The following CMC2 variants were observed in gnomAD, a reference collection of about 807,000 sequenced individuals.
CMC2 encodes C-X9-C motif containing 2.
Under a neutral mutation model 7.5 loss-of-function variants are expected in CMC2, and 5 were observed. The ratio of observed to expected loss-of-function variants is 0.66; its 90% CI spans 0.35 to 1.40. The LOEUF (loss-of-function observed/expected upper bound fraction) is 1.40, where lower values mean the gene tolerates loss of function less well. Ranked by LOEUF, CMC2 falls within the 40% of genes most tolerant of loss-of-function variation. CMC2 has a pLI of 0.04. For synonymous variants in CMC2, 37 were observed against 31.4 expected, an observed-to-expected ratio of 1.18 and a Z score of -0.60; for missense variants, 115 against 92.3, an observed-to-expected ratio of 1.25 and a Z score of -1.01.
rs1012135161 is a variant in CMC2 at position 80,972,699 on chromosome 16, T to C, written c.*3394A>G. On this transcript the variant is annotated 3_prime_UTR_variant, in exon 4 of 4. Transcript: ENST00000219400. Reference sequence around the variant, plus strand: ...AAGTTCTTCAGCTTCCAAGAGATGGTCTCTTATGACCCAAAAGTTTACTTA... The same window carrying C: ...AAGTTCTTCAGCTTCCAAGAGATGGCCTCTTATGACCCAAAAGTTTACTTA... 1 of 152,182 alleles carries C rather than the reference T, an allele frequency of 6.6e-6. No individual in the cohort carries two copies. Among genetic ancestry groups the C allele is most frequent in the East Asian group, 1.9e-4 (1 of 5,198 alleles). 9.4% of individuals were successfully genotyped at this position (152,182 alleles called of 1,614,324 possible).
Position 80,997,345 on chromosome 16 carries a change from A to G in CMC2, c.50T>C (p.Leu17Ser). 1 of 1,609,150 alleles carries G rather than the reference A, an allele frequency of 6.2e-7. No homozygotes were observed. The highest frequency in any genetic ancestry group is 8.5e-7 in the Non-Finnish European group (1 of 1,175,516). ...GTGACATTCCTTAAGCAAGTTAATC[A>G]AGACGTTGCATTCTTCAGTGTGCAA... Reference protein sequence around the residue: ...PHLHTEECNVLINLLKECHKN... With the variant: ...PHLHTEECNVSINLLKECHKN... Residue 17 changes from leucine (L) to serine (S), a missense_variant, in exon 2 of 4, where the codon TTG (leucine) becomes TCG (serine). Physicochemically the swap from Leu to Ser is moderately radical, Grantham distance 145. Transcript: ENST00000219400.
intron 3 of CMC2, chr16:80,980,774 C>A (rs559554585): frequency 1.4e-6 from 1 of 691,772 alleles, no homozygotes. Context: ...ACGCACCTGT[C>A]GTCCTAGCTA....
chr16:80,993,959 C>T (rs991098073), intron 2 of CMC2, among the ~76,000 whole-genome samples: 1 of 152,098 alleles, frequency 6.6e-6, no homozygotes, highest in African/African-American at 2.4e-5. Context: ...TACAAGGCAA[C>T]AGTAATTAAG....
chr16:80,986,413 C>T (rs890845881), intron 2 of CMC2, among the ~76,000 whole-genome samples: 13 of 151,830 alleles, frequency 8.6e-5, no homozygotes, highest in Admixed American at 6.6e-5. Context: ...TGAGATTGTA[C>T]CACTGCACTC....
chr16:81,003,188 C>T (rs545869562), intron 1 of CMC2, among the ~76,000 whole-genome samples: 92 of 152,282 alleles, frequency 6.0e-4, no homozygotes, highest in African/African-American at 2.0e-3. Flanking sequence ...TCTCTCAGAA[C>T]ACATGTAATT....
intron 1 of CMC2, among the ~76,000 whole-genome samples, chr16:81,006,238 G>GC (rs893896932): frequency 5.0e-4 from 12 of 24,166 alleles, no homozygotes; most frequent in Admixed American, 1.6e-3. Flanking sequence ...TACTGATGGG[G>GC]CTCTTGGTGG....
Position 81,006,744 on chromosome 16 carries a change from G to A in CMC2, c.-46C>T, listed in dbSNP as rs1969395082. 3 of 985,628 alleles carry A rather than the reference G, an allele frequency of 3.0e-6. No homozygotes were observed. The highest frequency in any genetic ancestry group is 9.4e-5 in the South Asian group (2 of 21,286). The allele number at this position is 985,628 out of a possible 1,614,324, so 61.1% of individuals were successfully genotyped here. On this transcript the variant is annotated 5_prime_UTR_variant, in exon 1 of 4. Transcript: ENST00000219400. ...ACTCCCGAGACTCACCCGACTCGTG[G>A]CCACACCGGGAGAACTGAAGCGGCA...
intron 1 of CMC2, among the ~76,000 whole-genome samples, chr16:81,004,219 T>C (rs577853894): frequency 1.1e-5 from 1 of 93,120 alleles, no homozygotes; most frequent in East Asian, 2.8e-4. Flanking sequence ...TGAGACTCCA[T>C]CTCAAAAAAT....
At chr16:80,997,466 C>T (rs1303265430) in intron 1 of CMC2, 37 bp from the exon 2 acceptor site, 1 of 1,047,936 alleles carries the variant, frequency 9.5e-7, no homozygotes, top group Non-Finnish European at 1.5e-6. Context: ...TGCATAAACA[C>T]ATTTGTTACG....
chr16:80,979,318 A>G (rs1295511749), intron 3 of CMC2, among the ~76,000 whole-genome samples: 1 of 152,288 alleles, frequency 6.6e-6, no homozygotes, highest in East Asian at 1.9e-4. Context: ...AAAAGAATTC[A>G]AAGAGAAAAC....
intron 3 of CMC2, among the ~76,000 whole-genome samples, chr16:80,980,037 G>T (rs1967000989): frequency 6.6e-6 from 1 of 152,174 alleles, no homozygotes; most frequent in Non-Finnish European, 1.5e-5. Flanking sequence ...TCCCGCCTCA[G>T]CCTCCCAAGT....
At position 80,974,866 on chromosome 16, in the gene CMC2, T is replaced by C. The variant is rs1457293942; in HGVS notation, c.*1227A>G. Reference sequence around the variant, plus strand: ...TCTTTCCCCATCCTTTCACTGAATGTCTGTTATGCTCTGTAATCGACGTAC... The same window carrying C: ...TCTTTCCCCATCCTTTCACTGAATGCCTGTTATGCTCTGTAATCGACGTAC... On this transcript the variant is annotated 3_prime_UTR_variant, in exon 4 of 4. Transcript: ENST00000219400. The C allele has an allele frequency of 2.0e-5, 3 of 152,262 alleles. No homozygotes were observed. The highest frequency in any genetic ancestry group is 2.9e-5 in the Non-Finnish European group (2 of 68,052). 9.4% of individuals were successfully genotyped at this position (152,262 alleles called of 1,614,324 possible).
At chr16:80,977,000 T>C (rs116918474) in intron 3 of CMC2, among the ~76,000 whole-genome samples, 2 of 151,898 alleles carry the variant, frequency 1.3e-5, no homozygotes, top group East Asian at 1.9e-4. Context: ...CCAGTCACAA[T>C]GACAGACATA....
intron 1 of CMC2, chr16:80,997,673 A>C (rs1968534559): frequency 3.8e-6 from 1 of 263,064 alleles, no homozygotes; most frequent in Non-Finnish European, 7.2e-6. Context: ...GGAAGCCTCA[A>C]GAGACCCAAT....
chr16:80,983,248 A>C (rs1000309821), intron 2 of CMC2: 5 of 152,292 alleles, frequency 3.3e-5, no homozygotes, highest in Admixed American at 2.0e-4. Context: ...GGGGAGTCAA[A>C]AAGTTATATG....
Position 80,970,137 on chromosome 16 carries a change from T to C in CMC2, c.*5956A>G, listed in dbSNP as rs950633874. ...GGGATGAAGAAACTTCAGAGCCACATTGCAATTAAAAAGCTGTCTAGCAAA... is the reference window on the plus strand; with the variant it reads ...GGGATGAAGAAACTTCAGAGCCACACTGCAATTAAAAAGCTGTCTAGCAAA... On this transcript the variant is annotated 3_prime_UTR_variant, in exon 4 of 4. Coordinates refer to ENST00000219400, the MANE Select transcript of CMC2 (RefSeq NM_020188.5). The C allele has an allele frequency of 1.3e-5, 2 of 152,182 alleles. No homozygotes were observed. Among genetic ancestry groups the C allele is most frequent in the African/African-American group, 4.8e-5 (2 of 41,438 alleles). The allele number at this position is 152,182 out of a possible 1,614,324, so 9.4% of individuals were successfully genotyped here.
chr16:80,988,972 T>C (rs1370936029), intron 2 of CMC2, among the ~76,000 whole-genome samples: 1 of 152,204 alleles, frequency 6.6e-6, no homozygotes, highest in African/African-American at 2.4e-5. Context: ...CACAACTCGA[T>C]TCAGGTCGTG....
At chr16:81,006,016 C>A (rs1256223420) in intron 1 of CMC2, among the ~76,000 whole-genome samples, 1 of 152,140 alleles carries the variant, frequency 6.6e-6, no homozygotes, top group Non-Finnish European at 1.5e-5. Context: ...AAAAGCCATA[C>A]ATATAAAGGA....
At position 80,999,670 on chromosome 16, in the gene CMC2, G is replaced by A. The variant is rs532717329; in HGVS notation, c.-35-2241C>T. ...CACATTACCCTACTTCAGACTATAAGGCTACAATAACCAAATCAGCAAGCT... is the reference window on the plus strand; with the variant it reads ...CACATTACCCTACTTCAGACTATAAAGCTACAATAACCAAATCAGCAAGCT... On this transcript the variant is annotated intron_variant, in intron 1 of 3. Coordinates refer to ENST00000219400, the MANE Select transcript of CMC2 (RefSeq NM_020188.5). 5.4e-4 allele frequency among the ~76,000 whole-genome samples: 82 copies of A among 152,186 alleles called. 1 individual carries two copies. In the South Asian group the frequency reaches 0.012, roughly 23 times the overall value.
Sources: allele counts gnomAD v4.1 joint callset (sites outside exome capture counted in the v4.1 genomes callset), GRCh38; gene constraint gnomAD v4.1.1; transcripts MANE v1.5; gene names NCBI Gene and HGNC (gene_info 2026-07-23, HGNC 2026-07-21).